Variants in STK32C observed in about 807,000 individuals in gnomAD.
STK32C encodes the protein serine/threonine kinase 32C.
Under a neutral mutation model 56.5 loss-of-function variants are expected in STK32C, and 31 were observed. The ratio of observed to expected loss-of-function variants is 0.55; its 90% CI spans 0.41 to 0.74. The LOEUF is 0.74. Ranked by LOEUF, STK32C falls within the 30% of genes least tolerant of loss-of-function variation. The pLI, the probability that STK32C is intolerant of heterozygous loss-of-function variation, is 0.00. For missense variants in STK32C, 544 were observed against 676.9 expected (o/e 0.80, Z 2.18); for synonymous variants, 309 against 289.4 (o/e 1.07, Z -0.69).
intron 10 of STK32C, among the ~76,000 whole-genome samples, chr10:132,221,008 A>G (rs988779939): frequency 6.6e-6 from 1 of 152,232 alleles, no homozygotes; most frequent in African/African-American, 2.4e-5. Context: ...GAAGGAGACC[A>G]TTTCATTACG....
exon 2 of STK32C, chr10:132,324,051 T>A: frequency 3.3e-6 from 2 of 599,654 alleles, no homozygotes; most frequent in South Asian, 4.0e-5. Flanking sequence ...AACCACACCT[T>A]AAACCCCACC....
chr10:132,307,927 G>A lies in STK32C; in HGVS notation c.-94C>T, dbSNP rs1387256226. 3.7e-6 allele frequency: 4 copies of A among 1,075,986 alleles called. No individual in the cohort carries two copies. The highest frequency in any genetic ancestry group is 5.9e-5 in the Admixed American group (1 of 17,016). The allele number at this position is 1,075,986 out of a possible 1,614,324, so 66.7% of individuals were successfully genotyped here. The stretch of plus-strand genomic sequence containing the variant: ...GTGGTAGCGGGAGCGCTCGGGGCCG[G>A]CAGCGCCCGCCGTGCGCTCTTCTGG... On this transcript the variant is annotated 5_prime_UTR_variant, in exon 1 of 12. Coordinates refer to ENST00000298630, the MANE Select transcript of STK32C (RefSeq NM_173575.4). This position sits in a 1 kb window ranked among gnomAD's most constrained non-coding sequence, Gnocchi z 4.4.
Position 132,255,261 on chromosome 10 carries a change from G to A in STK32C, c.263-9306C>T, listed in dbSNP as rs948731148. Among the ~76,000 whole-genome samples, 12 of 152,134 alleles carry A rather than the reference G, an allele frequency of 7.9e-5. No individual in the cohort carries two copies. In the East Asian group the frequency reaches 9.7e-4, roughly 12 times the overall value. ...GCCTCTGGGGATGTCTGGCCCACACGGGGCTCCTGACTTAGGAAATACCGG... is the reference window on the plus strand; with the variant it reads ...GCCTCTGGGGATGTCTGGCCCACACAGGGCTCCTGACTTAGGAAATACCGG... On this transcript the variant is annotated intron_variant, in intron 1 of 11. Transcript: ENST00000298630. The surrounding 1 kb of genome is among the most constrained non-coding windows in gnomAD (Gnocchi z 4.6).
chr10:132,319,158 AG>A (rs11356645), downstream of STK32C, among the ~76,000 whole-genome samples: 22,063 of 152,230 alleles, frequency 0.14, 2,066 homozygotes, highest in Non-Finnish European at 0.22. Flanking sequence ...CATGTTGGCC[AG>A]GCTGGTCTCG....
At chr10:132,280,391 C>CTGTGACCACGCCCCTGCACT (rs2065139502) in intron 1 of STK32C, among the ~76,000 whole-genome samples, 1 of 119,080 alleles carries the variant, frequency 8.4e-6, no homozygotes, top group African/African-American at 3.3e-5. Context: ...GACACTCCAC[C>CTGTGACCACGCCCCTGCACT]CCGTGATCAC....
intron 1 of STK32C, among the ~76,000 whole-genome samples, chr10:132,279,409 ACTC>A (rs765361265): frequency 6.6e-6 from 1 of 151,520 alleles, no homozygotes; most frequent in African/African-American, 2.4e-5. Flanking sequence ...TGCACACAAC[ACTC>A]CTCTTCATGT....
chr10:132,212,287 A>C (rs374563786), intron 10 of STK32C, among the ~76,000 whole-genome samples: 1 of 152,222 alleles, frequency 6.6e-6, no homozygotes, highest in East Asian at 1.9e-4. Context: ...AAGTCAAAAA[A>C]CAAGGTATGA....
chr10:132,276,903 G>A (rs541324686), intron 1 of STK32C, among the ~76,000 whole-genome samples: 55 of 152,334 alleles, frequency 3.6e-4, no homozygotes, highest in Non-Finnish European at 6.8e-4. Flanking sequence ...GCTCGAGGCC[G>A]TGGCTGCGCC....
intron 1 of STK32C, among the ~76,000 whole-genome samples, chr10:132,293,741 C>T (rs1462801063): frequency 6.6e-6 from 1 of 152,134 alleles, no homozygotes; most frequent in African/African-American, 2.4e-5. Flanking sequence ...AAGAACAGAG[C>T]CAGGAGCCCA....
intron 1 of STK32C, among the ~76,000 whole-genome samples, chr10:132,264,116 G>A (rs2064410747): frequency 6.6e-6 from 1 of 152,180 alleles, no homozygotes; most frequent in Non-Finnish European, 1.5e-5. Flanking sequence ...TAGGCATGGA[G>A]TCTCCCTTAG....
intron 1 of STK32C, among the ~76,000 whole-genome samples, chr10:132,263,601 T>G (rs928136542): frequency 6.6e-5 from 10 of 151,898 alleles, no homozygotes; most frequent in Admixed American, 6.6e-4. Flanking sequence ...TGAGATTATG[T>G]AATCCCAGCA....
chr10:132,292,374 C>T (rs1485447847), intron 1 of STK32C, among the ~76,000 whole-genome samples: 1 of 152,214 alleles, frequency 6.6e-6, no homozygotes, highest in Non-Finnish European at 1.5e-5. Flanking sequence ...CACACACTCA[C>T]CACATGCATA....
At chr10:132,259,315 G>A (rs987023046) in intron 1 of STK32C, among the ~76,000 whole-genome samples, 2 of 152,218 alleles carry the variant, frequency 1.3e-5, no homozygotes, top group African/African-American at 2.4e-5. Context: ...CCCTGATATG[G>A]TTTGGCTCTA....
At chr10:132,234,153 G>A (rs2063194123) in intron 2 of STK32C, among the ~76,000 whole-genome samples, 1 of 152,156 alleles carries the variant, frequency 6.6e-6, no homozygotes, top group South Asian at 2.1e-4. Flanking sequence ...ACCTTGCCTG[G>A]CTACTCCCAG....
Position 132,207,880 on chromosome 10 carries a change from T to G in STK32C, c.*130A>C. On this transcript the variant is annotated 3_prime_UTR_variant, in exon 12 of 12. Transcript: ENST00000298630. Reference sequence around the variant, plus strand: ...CCACGAGCCTGAGGTGTGAAATGTGTCCGGGGCACTGTGGGCACCGCCAGC... The same window carrying G: ...CCACGAGCCTGAGGTGTGAAATGTGGCCGGGGCACTGTGGGCACCGCCAGC... 9.2e-7 allele frequency: 1 copy of G among 1,091,466 alleles called. No homozygotes were observed. The highest frequency in any genetic ancestry group is 4.8e-5 in the South Asian group (1 of 20,746). 67.6% of individuals were successfully genotyped at this position (1,091,466 alleles called of 1,614,324 possible). A position where few individuals can be genotyped will look rare whatever the true frequency, so the allele number is the denominator to read the frequency against.
chr10:132,225,666 C>G (rs374665854), intron 5 of STK32C, 50 bp from the exon 6 acceptor site: 194 of 1,609,126 alleles, frequency 1.2e-4, no homozygotes, highest in Non-Finnish European at 1.6e-4. Context: ...GAGATGCATC[C>G]TTGCGTGCAG....
intron 7 of STK32C, among the ~76,000 whole-genome samples, chr10:132,225,029 G>A (rs1326988908): frequency 6.6e-6 from 1 of 152,226 alleles, no homozygotes; most frequent in East Asian, 1.9e-4. Context: ...GCGGCCCCGG[G>A]AAACCACAGT....
At chr10:132,230,896 A>G (rs2137765657) in intron 2 of STK32C, among the ~76,000 whole-genome samples, 1 of 152,266 alleles carries the variant, frequency 6.6e-6, no homozygotes, top group South Asian at 2.1e-4. Flanking sequence ...CTGGAAGAAC[A>G]CGCCTTCCCT....
At chr10:132,249,155 C>T (rs775806340) in intron 1 of STK32C, 25 of 213,302 alleles carry the variant, frequency 1.2e-4, no homozygotes, top group South Asian at 4.8e-4. Flanking sequence ...GGGGGCGGGG[C>T]GTGCAGGGGG....
Sources: allele counts gnomAD v4.1 joint callset (sites outside exome capture counted in the v4.1 genomes callset), GRCh38; gene constraint gnomAD v4.1.1; non-coding constraint Gnocchi (gnomAD v3.1); transcripts MANE v1.5; gene names NCBI Gene and HGNC (gene_info 2026-07-23, HGNC 2026-07-21).